Variants in DMD observed in about 807,000 individuals in gnomAD.
DMD encodes the protein dystrophin, also known as mutant dystrophin.
In DMD, 63 loss-of-function variants were observed where a neutral mutation model predicts 330.1. That is an observed-to-expected ratio of 0.19 (90% CI 0.16 to 0.24). DMD has a LOEUF of 0.24. Ranked by LOEUF, DMD falls within the 10% of genes least tolerant of loss-of-function variation. The pLI, the probability that DMD is intolerant of heterozygous loss-of-function variation, is 1.00. For missense variants in DMD, 3,344 were observed against 2,684.1 expected (o/e 1.25, Z -5.43); for synonymous variants, 1,223 against 959.8 (o/e 1.27, Z -5.07).
intron 58 of DMD, 46 bp from the exon 59 acceptor site, chrX:31,478,420 T>C: frequency 1.7e-6 from 2 of 1,201,762 alleles, no homozygotes; most frequent in Non-Finnish European, 2.3e-6. Context: ...TCTTTTTTTT[T>C]AAACATTGTC....
chrX:32,312,941 C>CAAAAAA (rs1171543953), intron 41 of DMD, among the ~76,000 whole-genome samples: 8 of 19,170 alleles, frequency 4.2e-4, no homozygotes, highest in Non-Finnish European at 7.5e-4. Context: ...AGCCTACGAA[C>CAAAAAA]CAAAAAAAAA....
Position 32,553,290 on chromosome X carries a change from T to C in DMD, c.1993-7956A>G, listed in dbSNP as rs183641650. On this transcript the variant is annotated intron_variant, in intron 16 of 78. Transcript: ENST00000357033. ...AAACATGGATGGAGCTGGAGGCCAT[T>C]ATCCTAAGCAAACTAACACAATAAC... Among the ~76,000 whole-genome samples the C allele has an allele frequency of 1.4e-3, 151 of 111,597 alleles. 2 individuals carry two copies. The highest frequency in any genetic ancestry group is 4.7e-3 in the African/African-American group (143 of 30,676).
chrX:33,082,059 G>C (rs1270682813), intron 1 of DMD, among the ~76,000 whole-genome samples: 9 of 108,089 alleles, frequency 8.3e-5, no homozygotes, highest in Non-Finnish European at 1.7e-4. Flanking sequence ...ACTCACGTGT[G>C]CGTTAAGAGT....
chrX:31,814,454 G>A (rs2092558242), intron 50 of DMD, among the ~76,000 whole-genome samples: 1 of 75,730 alleles, frequency 1.3e-5, no homozygotes, highest in African/African-American at 5.5e-5. Flanking sequence ...CTGCACTCCA[G>A]CCTGGGCGAC....
At chrX:32,614,148 T>C (rs1422787304) in intron 12 of DMD, among the ~76,000 whole-genome samples, 155 bp downstream of exon 12, 1 of 110,966 alleles carries the variant, frequency 9.0e-6, no homozygotes. Flanking sequence ...GCAACAAAGA[T>C]TGCAAAAACA....
chrX:32,546,083 G>A (rs776504685), intron 16 of DMD, among the ~76,000 whole-genome samples: 1 of 105,264 alleles, frequency 9.5e-6, no homozygotes, highest in South Asian at 4.5e-4. Context: ...CGGGCCGGGG[G>A]CAACAGTTCA....
chrX:31,661,513 A>G (rs1436140115), intron 53 of DMD, among the ~76,000 whole-genome samples: 1 of 111,667 alleles, frequency 9.0e-6, no homozygotes, highest in Non-Finnish European at 1.9e-5. Context: ...CTGCTGTGAA[A>G]TTTACTACTG....
At chrX:32,484,868 A>G (rs1487862663) in intron 21 of DMD, 51 bp downstream of exon 21, 1 of 1,159,046 alleles carries the variant, frequency 8.6e-7, no homozygotes, top group East Asian at 3.0e-5. Flanking sequence ...TTTCCCCACA[A>G]ATAACCATTT....
At chrX:31,964,582 C>T (rs1298771756) in intron 45 of DMD, among the ~76,000 whole-genome samples, 4 of 100,774 alleles carry the variant, frequency 4.0e-5, no homozygotes, top group Admixed American at 2.1e-4. Flanking sequence ...AACTTATTTG[C>T]AAAAATGTTA....
chrX:32,946,681 T>A (rs997546511), intron 2 of DMD, among the ~76,000 whole-genome samples: 4 of 112,395 alleles, frequency 3.6e-5, no homozygotes, highest in Non-Finnish European at 7.5e-5. Flanking sequence ...AAACATATGT[T>A]TATGAAGTCC....
intron 44 of DMD, among the ~76,000 whole-genome samples, chrX:32,181,371 C>A (rs944023809): frequency 1.2e-4 from 13 of 111,950 alleles, no homozygotes; most frequent in African/African-American, 4.2e-4. Flanking sequence ...TGTAGCAGAG[C>A]TTCCATGGAT....
At chrX:31,154,784 G>T (rs1221564908) in intron 74 of DMD, among the ~76,000 whole-genome samples, 2 of 111,323 alleles carry the variant, frequency 1.8e-5, no homozygotes, top group African/African-American at 6.5e-5. Flanking sequence ...ACTCCACAGA[G>T]AATCTATTTA....
At chrX:32,059,318 T>C (rs1347634721) in intron 44 of DMD, among the ~76,000 whole-genome samples, 1 of 111,207 alleles carries the variant, frequency 9.0e-6, no homozygotes, top group Non-Finnish European at 1.9e-5. Flanking sequence ...ATGAACTTAA[T>C]CATTGAATGC....
chrX:32,830,980 A>G (rs2079106159), intron 4 of DMD, among the ~76,000 whole-genome samples: 1 of 111,331 alleles, frequency 9.0e-6, no homozygotes, highest in African/African-American at 3.2e-5. Flanking sequence ...CCTGCTGTCT[A>G]TTTTAAAGGC....
intron 1 of DMD, among the ~76,000 whole-genome samples, chrX:33,246,917 C>G (rs1433909677): frequency 9.0e-6 from 1 of 110,751 alleles, no homozygotes; most frequent in East Asian, 2.8e-4. Context: ...AACTCCTGAC[C>G]TCATGATCTG....
At chrX:33,164,118 T>C (rs933342057) in intron 1 of DMD, among the ~76,000 whole-genome samples, 5 of 111,484 alleles carry the variant, frequency 4.5e-5, no homozygotes, top group African/African-American at 9.8e-5. Context: ...CCAAGGCTGG[T>C]TCATGCCCAT....
intron 41 of DMD, among the ~76,000 whole-genome samples, chrX:32,334,036 C>G (rs749678603): frequency 9.0e-6 from 1 of 111,420 alleles, no homozygotes; most frequent in Non-Finnish European, 1.9e-5. Flanking sequence ...TTTCTGGAAG[C>G]TGATACTCGC....
intron 19 of DMD, among the ~76,000 whole-genome samples, chrX:32,499,879 T>A (rs974318445): frequency 9.0e-6 from 1 of 111,303 alleles, no homozygotes; most frequent in African/African-American, 3.3e-5. Flanking sequence ...ATAAATATTA[T>A]GCAATTTGTT....
intron 60 of DMD, among the ~76,000 whole-genome samples, chrX:31,369,306 A>G (rs2059422678): frequency 8.9e-6 from 1 of 112,003 alleles, no homozygotes; most frequent in South Asian, 3.7e-4. Flanking sequence ...TTTTAGGAGG[A>G]TTACTATAGG....
Sources: allele counts gnomAD v4.1 joint callset (sites outside exome capture counted in the v4.1 genomes callset), GRCh38; gene constraint gnomAD v4.1.1; transcripts MANE v1.5; gene names NCBI Gene and HGNC (gene_info 2026-07-23, HGNC 2026-07-21).